The following GPC6 variants were observed in gnomAD, a reference collection of about 807,000 sequenced individuals.
GPC6 encodes the protein glypican-6.
In GPC6, 14 loss-of-function variants were observed where a neutral mutation model predicts 55.2. That is an observed-to-expected ratio of 0.25 (90% CI 0.17 to 0.40). The LOEUF is 0.40. Among genes scored for constraint, GPC6 ranks in the 10% least tolerant of loss-of-function variants. The pLI is 1.00. For synonymous variants in GPC6, 278 were observed against 259.6 expected, an observed-to-expected ratio of 1.07 and a Z score of -0.68; for missense variants, 641 against 708.5, an observed-to-expected ratio of 0.90 and a Z score of 1.08.
At chr13:93,305,512 A>G (rs546042329) in intron 1 of GPC6, among the ~76,000 whole-genome samples, 18 of 152,310 alleles carry the variant, frequency 1.2e-4, no homozygotes, top group African/African-American at 3.8e-4. Flanking sequence ...GCTGAGAGCC[A>G]TCTGTTTCTG....
chr13:93,389,048 C>A (rs2139214940), intron 1 of GPC6, among the ~76,000 whole-genome samples: 1 of 152,188 alleles, frequency 6.6e-6, no homozygotes, highest in East Asian at 1.9e-4. Context: ...TATTGAGCTG[C>A]AGTATTCTTA....
At chr13:93,961,122 G>A (rs902871952) in intron 3 of GPC6, among the ~76,000 whole-genome samples, 1 of 152,090 alleles carries the variant, frequency 6.6e-6, no homozygotes, top group African/African-American at 2.4e-5. Flanking sequence ...CCTATTGCTG[G>A]AATTTTTAAT....
chr13:93,814,534 T>C (rs1886790135), intron 2 of GPC6, among the ~76,000 whole-genome samples: 1 of 152,168 alleles, frequency 6.6e-6, no homozygotes, highest in Admixed American at 6.5e-5. Flanking sequence ...TAAAATAGTG[T>C]TATTCCCAAC....
chr13:94,098,277 C>T (rs561534979), intron 4 of GPC6, among the ~76,000 whole-genome samples: 1 of 152,206 alleles, frequency 6.6e-6, no homozygotes, highest in South Asian at 2.1e-4. Context: ...TATAGGATGA[C>T]AAGTAGTTAG....
At chr13:93,787,150 T>C (rs1885839380) in intron 2 of GPC6, among the ~76,000 whole-genome samples, 1 of 152,228 alleles carries the variant, frequency 6.6e-6, no homozygotes, top group Non-Finnish European at 1.5e-5. Context: ...AACTACTCTA[T>C]TGCCACATTT....
chr13:94,286,010 A>T (rs1892520529), intron 4 of GPC6, among the ~76,000 whole-genome samples: 1 of 152,222 alleles, frequency 6.6e-6, no homozygotes, highest in Admixed American at 6.5e-5. Context: ...ACTCCAGAAG[A>T]AGATGGGTGA....
chr13:93,456,695 T>C (rs1216283002), intron 1 of GPC6, among the ~76,000 whole-genome samples: 1 of 152,022 alleles, frequency 6.6e-6, no homozygotes, highest in Non-Finnish European at 1.5e-5. Flanking sequence ...TGGAAAAGAA[T>C]AGAGACGTAA....
chr13:93,672,668 T>G (rs981755339), intron 2 of GPC6, among the ~76,000 whole-genome samples: 2 of 150,726 alleles, frequency 1.3e-5, no homozygotes, highest in African/African-American at 4.9e-5. Context: ...CATATATATA[T>G]ACACACACAA....
chr13:93,402,028 T>C (rs1406644277), intron 1 of GPC6, among the ~76,000 whole-genome samples: 1 of 152,002 alleles, frequency 6.6e-6, no homozygotes, highest in Non-Finnish European at 1.5e-5. Context: ...GACAAGAGAG[T>C]GAATCCCAAA....
intron 3 of GPC6, among the ~76,000 whole-genome samples, chr13:93,902,022 T>C (rs566687314): frequency 6.6e-6 from 1 of 152,286 alleles, no homozygotes; most frequent in Admixed American, 6.5e-5. Flanking sequence ...CAGGGCAATT[T>C]AGCATATCTA....
At chr13:94,283,417 G>C (rs1458863433) in intron 4 of GPC6, among the ~76,000 whole-genome samples, 1 of 152,122 alleles carries the variant, frequency 6.6e-6, no homozygotes, top group East Asian at 1.9e-4. Context: ...TTGAAACCTG[G>C]GCACCTGACT....
chr13:93,546,439 A>G (rs1181897138), intron 2 of GPC6, among the ~76,000 whole-genome samples: 1 of 152,176 alleles, frequency 6.6e-6, no homozygotes, highest in Non-Finnish European at 1.5e-5. Context: ...ATTGGTTCTC[A>G]AAGTTACGGA....
intron 1 of GPC6, among the ~76,000 whole-genome samples, chr13:93,469,072 T>G (rs528614138): frequency 6.6e-6 from 1 of 152,254 alleles, no homozygotes; most frequent in East Asian, 1.9e-4. Context: ...AATGGCTAGA[T>G]TTTGCGCTTT....
intron 1 of GPC6, among the ~76,000 whole-genome samples, chr13:93,281,956 C>T (rs776246556): frequency 1.3e-5 from 2 of 152,146 alleles, no homozygotes; most frequent in African/African-American, 2.4e-5. Context: ...TATTTCTTGA[C>T]GCTGATGGAA....
rs149728160 is a variant in GPC6, at chr13:94,304,465, C to A, written c.1009-1515C>A. On this transcript the variant is annotated intron_variant, in intron 5 of 8. Coordinates refer to ENST00000377047, the MANE Select transcript of GPC6 (RefSeq NM_005708.5). ...GACAACACAGAATGAAATAACAAAA[C>A]TGGAACGAATGCGTTGCAAGTATAC... Among the ~76,000 whole-genome samples, 299 of 152,256 alleles carry A rather than the reference C, an allele frequency of 2.0e-3. 1 individual carries two copies. The highest frequency in any genetic ancestry group is 6.9e-3 in the African/African-American group (286 of 41,550).
intron 1 of GPC6, among the ~76,000 whole-genome samples, chr13:93,467,135 A>G (rs944559456): frequency 2.0e-5 from 3 of 152,222 alleles, no homozygotes; most frequent in African/African-American, 7.2e-5. Context: ...CAAAATGTTA[A>G]CAAAATGTTT....
intron 3 of GPC6, among the ~76,000 whole-genome samples, chr13:93,990,007 T>G (rs570210506): frequency 6.6e-6 from 1 of 151,136 alleles, no homozygotes; most frequent in South Asian, 2.1e-4. Context: ...TAAATAAATG[T>G]AAAGCACACC....
chr13:93,990,051 A>G (rs889445033), intron 3 of GPC6, among the ~76,000 whole-genome samples: 1 of 151,692 alleles, frequency 6.6e-6, no homozygotes, highest in African/African-American at 2.4e-5. Flanking sequence ...GAATTTTTAT[A>G]TCATGGAAAT....
intron 3 of GPC6, among the ~76,000 whole-genome samples, chr13:93,867,972 A>C (rs1594539268): frequency 6.6e-6 from 1 of 151,750 alleles, no homozygotes; most frequent in South Asian, 2.1e-4. Context: ...ATATTTTTAC[A>C]TCTCTCCTCT....
Sources: gnomAD v4.1 joint callset for allele counts (sites outside exome capture counted in the v4.1 genomes callset) on GRCh38, gnomAD v4.1.1 for gene constraint, MANE v1.5 for transcripts, NCBI Gene and HGNC (gene_info 2026-07-23, HGNC 2026-07-21) for gene names.